STEAP3: variants seen among roughly 807,000 people sequenced by gnomAD.
STEAP3 encodes the protein metalloreductase STEAP3.
In STEAP3, 35 loss-of-function variants were observed where a neutral mutation model predicts 34.9. The ratio of observed to expected loss-of-function variants is 1.00; its 90% CI spans 0.76 to 1.33. STEAP3 has a LOEUF of 1.33. Among genes scored for constraint, STEAP3 ranks in the 40% most tolerant of loss-of-function variants. The pLI is 0.00. For synonymous variants in STEAP3, 281 were observed against 301.6 expected (o/e 0.93, Z 0.71); for missense variants, 652 against 667.6 (o/e 0.98, Z 0.26).
chr2:119,251,644 C>T (rs895406), intron 4 of STEAP3, among the ~76,000 whole-genome samples: 61,452 of 151,960 alleles, frequency 0.4, 13,687 homozygotes, highest in Non-Finnish European at 0.51. Context: ...CTGAAAAGAT[C>T]CAGTGACCCC....
intron 3 of STEAP3, chr2:119,246,766 A>AG (rs1419767906): frequency 6.6e-6 from 1 of 152,406 alleles, no homozygotes; most frequent in Admixed American, 6.5e-5. Flanking sequence ...CAGGGCCTGG[A>AG]GGGAACGGAG....
chr2:119,227,802 C>T (rs375612728), intron 1 of STEAP3, among the ~76,000 whole-genome samples: 6 of 111,498 alleles, frequency 5.4e-5, no homozygotes, highest in African/African-American at 1.9e-4. Flanking sequence ...ACAAGCTTCC[C>T]ATTTCTTGTA....
intron 1 of STEAP3, among the ~76,000 whole-genome samples, chr2:119,230,044 G>A (rs779998531): frequency 1.8e-4 from 27 of 152,184 alleles, no homozygotes; most frequent in Non-Finnish European, 2.1e-4. Flanking sequence ...GATGCTCAGG[G>A]ATCTGAAAAA....
At chr2:119,254,235 G>C (rs1469705582) in intron 4 of STEAP3, among the ~76,000 whole-genome samples, 16 of 152,096 alleles carry the variant, frequency 1.1e-4, no homozygotes, top group Admixed American at 1.0e-3. Flanking sequence ...CTCCTGTCCT[G>C]GGATTCTGGG....
At chr2:119,247,227 A>AG (rs1677456358) in intron 3 of STEAP3, among the ~76,000 whole-genome samples, 1 of 152,224 alleles carries the variant, frequency 6.6e-6, no homozygotes, top group African/African-American at 2.4e-5. Flanking sequence ...GACATCATCA[A>AG]GGGGGGTGAT....
At position 119,247,938 on chromosome 2, in the gene STEAP3, C is replaced by G; in HGVS notation, c.782C>G (p.Pro261Arg). 1 of 1,613,760 alleles carries G rather than the reference C, an allele frequency of 6.2e-7. No individual in the cohort carries two copies. The highest frequency in any genetic ancestry group is 1.1e-5 in the South Asian group (1 of 91,084). ...AGCCAGAACAAGTTCTTCAAGCTGCCCGTGTCCGTGGTCAACACCACACTG... is the reference window on the plus strand; with the variant it reads ...AGCCAGAACAAGTTCTTCAAGCTGCGCGTGTCCGTGGTCAACACCACACTG... Reference protein sequence around the residue: ...QESQNKFFKLPVSVVNTTLPC... With the variant: ...QESQNKFFKLRVSVVNTTLPC... Residue 261 changes from proline (P) to arginine (R), a missense_variant, in exon 4 of 6, where the codon CCC becomes CGC. By Grantham distance (103) the Pro-to-Arg change is moderately radical. Coordinates refer to ENST00000393110, the MANE Select transcript of STEAP3 (RefSeq NM_182915.3).
At chr2:119,262,412 G>C (rs1490867497) in intron 5 of STEAP3, among the ~76,000 whole-genome samples, 1 of 151,954 alleles carries the variant, frequency 6.6e-6, no homozygotes, top group African/African-American at 2.4e-5. Context: ...TGTTACCCAG[G>C]CTGGAGTGCA....
intron 1 of STEAP3, among the ~76,000 whole-genome samples, chr2:119,229,580 C>T (rs1180599445): frequency 6.6e-6 from 1 of 152,218 alleles, no homozygotes; most frequent in Non-Finnish European, 1.5e-5. Context: ...ACAGCTAGCA[C>T]ATGGCTGGAC....
intron 5 of STEAP3, chr2:119,257,599 T>G (rs1479543510): frequency 6.5e-7 from 1 of 1,528,146 alleles, no homozygotes. Context: ...CTTGTGCCTG[T>G]GTCCACCCCA....
At chr2:119,245,419 A>C in intron 2 of STEAP3, 70 bp from the exon 3 acceptor site, 12 of 1,517,084 alleles carry the variant, frequency 7.9e-6, no homozygotes, top group Non-Finnish European at 9.7e-6. Flanking sequence ...ACGATGTATA[A>C]GAGGAGGGAG....
At chr2:119,261,978 T>C (rs1001987012) in intron 5 of STEAP3, among the ~76,000 whole-genome samples, 6 of 152,166 alleles carry the variant, frequency 3.9e-5, no homozygotes, top group Admixed American at 2.6e-4. Context: ...CTCCTCCAGA[T>C]GGAAGAGTAG....
chr2:119,257,688 G>C, intron 5 of STEAP3: 1 of 1,414,360 alleles, frequency 7.1e-7, no homozygotes, highest in Non-Finnish European at 9.2e-7. Flanking sequence ...TGGCTTTTGA[G>C]GTAAGCTGCA....
At chr2:119,259,306 T>A (rs1677874573) in intron 5 of STEAP3, among the ~76,000 whole-genome samples, 1 of 152,236 alleles carries the variant, frequency 6.6e-6, no homozygotes, top group Non-Finnish European at 1.5e-5. Flanking sequence ...GGGATCTTAT[T>A]AATCGCCTCA....
rs754766717 is a variant in STEAP3, at chr2:119,231,019, C to T, written c.7C>T (p.His3Tyr). Reference sequence around the variant, plus strand: ...AGACCCTCACGTCAGCCGGATGTCGCACCAGCCTGCTGTTGGTAAGTCTGG... The same window carrying T: ...AGACCCTCACGTCAGCCGGATGTCGTACCAGCCTGCTGTTGGTAAGTCTGG... MS[H>Y]QPAVATKMPE... Residue 3 changes from histidine (H) to tyrosine (Y), a missense_variant, in exon 2 of 6, where the codon CAC (histidine) becomes TAC (tyrosine). Coordinates refer to ENST00000393110, the MANE Select transcript of STEAP3 (RefSeq NM_182915.3). The T allele has an allele frequency of 1.4e-5, 23 of 1,614,214 alleles. No individual in the cohort carries two copies. Among genetic ancestry groups the T allele is most frequent in the Non-Finnish European group, 1.9e-5 (22 of 1,180,044 alleles).
At chr2:119,239,773 C>A (rs945731237) in intron 2 of STEAP3, among the ~76,000 whole-genome samples, 4 of 152,174 alleles carry the variant, frequency 2.6e-5, no homozygotes, top group Non-Finnish European at 4.4e-5. Flanking sequence ...CACTGCCTGG[C>A]CCTCCCATGG....
In STEAP3 at chr2:119,245,992, G is replaced by A. The variant is rs1677413394; in HGVS notation, c.522+4G>A. The A allele has an allele frequency of 6.2e-7, 1 of 1,607,942 alleles. No homozygotes were observed. The highest frequency in any genetic ancestry group is 1.3e-5 in the African/African-American group (1 of 74,956). On this transcript the variant is annotated splice_donor_region_variant and intron_variant, in intron 3 of 5. Coordinates refer to ENST00000393110, the MANE Select transcript of STEAP3 (RefSeq NM_182915.3). ...CCCAAGGGATGGTAACAGGCAGGTA[G>A]GTTCTGGGGGAATAATACCCATCGT...
chr2:119,248,072 G>C lies in STEAP3; in HGVS notation c.916G>C (p.Asp306His), dbSNP rs1677500105. Residue 306 changes from aspartate (D) to histidine (H), a missense_variant, in exon 4 of 6, where the codon GAC (aspartate) becomes CAC (histidine). Physicochemically the swap from Asp to His is moderately conservative, Grantham distance 81 (BLOSUM62 -1). Coordinates refer to ENST00000393110, the MANE Select transcript of STEAP3 (RefSeq NM_182915.3). ...GTACCAGCGCTTCCCCGACTGGCTG[G>C]ACCACTGGCTACAGCACCGCAAGCA... ...TKYQRFPDWL[D>H]HWLQHRKQIG... 6.2e-7 allele frequency: 1 copy of C among 1,608,340 alleles called. No individual in the cohort carries two copies. Among genetic ancestry groups the C allele is most frequent in the South Asian group, 1.1e-5 (1 of 91,086 alleles).
In STEAP3 at chr2:119,254,600, G is replaced by T. The variant is rs1462388628; in HGVS notation, c.1051-84G>T. 3 of 1,543,062 alleles carry T rather than the reference G, an allele frequency of 1.9e-6. No individual in the cohort carries two copies. In the African/African-American group the frequency reaches 4.1e-5, roughly 21 times the overall value. On this transcript the variant is annotated intron_variant, in intron 4 of 5. Coordinates refer to ENST00000393110, the MANE Select transcript of STEAP3 (RefSeq NM_182915.3). ...GTGCAGTGTGAGCGCCCGCCGTCTT[G>T]TCTTTCTTGTGTCCTTCATCATTGC...
At chr2:119,240,325 C>T (rs563054212) in intron 2 of STEAP3, among the ~76,000 whole-genome samples, 8 of 152,374 alleles carry the variant, frequency 5.3e-5, no homozygotes, top group African/African-American at 1.9e-4. Flanking sequence ...ACATGGGAGG[C>T]GTGCGAGGCA....
Sources: gnomAD v4.1 joint callset for allele counts (sites outside exome capture counted in the v4.1 genomes callset) on GRCh38, gnomAD v4.1.1 for gene constraint, MANE v1.5 for transcripts, NCBI Gene and HGNC (gene_info 2026-07-23, HGNC 2026-07-21) for gene names.